The following PREX2 variants were observed in gnomAD, a reference collection of about 807,000 sequenced individuals.
The protein encoded by PREX2 is phosphatidylinositol 3,4,5-trisphosphate-dependent Rac exchanger 2 protein.
A neutral mutation model predicts 203.2 loss-of-function variants in PREX2; 107 were observed. The ratio of observed to expected loss-of-function variants is 0.53; its 90% CI spans 0.45 to 0.62. The LOEUF (loss-of-function observed/expected upper bound fraction) is 0.62. Ranked by LOEUF, PREX2 falls within the 20% of genes least tolerant of loss-of-function variation. The pLI is 0.00. For synonymous variants in PREX2, 672 were observed against 663.6 expected (o/e 1.01, Z -0.19); for missense variants, 1,777 against 1,955.9 (o/e 0.91, Z 1.72).
At position 68,211,571 on chromosome 8, in the gene PREX2, C is replaced by T. The variant is rs999397055; in HGVS notation, c.4605-6045C>T. 4.6e-5 allele frequency among the ~76,000 whole-genome samples: 7 copies of T among 152,202 alleles called. No individual in the cohort carries two copies. In the South Asian group the frequency reaches 1.4e-3, roughly 31 times the overall value. ...GCTGCACTTTATGAGGTCAGTACAC[C>T]TGCTTTCCTCAATTCACAGAGGAGA... On this transcript the variant is annotated intron_variant, in intron 37 of 39. Coordinates refer to ENST00000288368, the MANE Select transcript of PREX2 (RefSeq NM_024870.4).
At chr8:68,002,132 T>TTTG (rs1806956563) in intron 1 of PREX2, among the ~76,000 whole-genome samples, 1 of 142,730 alleles carries the variant, frequency 7.0e-6, no homozygotes, top group African/African-American at 2.6e-5. Context: ...ATTTTGCCTT[T>TTTG]TTTTCTTTTT....
intron 1 of PREX2, among the ~76,000 whole-genome samples, chr8:68,010,844 T>A (rs371424397): frequency 2.4e-4 from 37 of 152,170 alleles, no homozygotes; most frequent in African/African-American, 8.4e-4. Flanking sequence ...TTTCCTAATC[T>A]TCGTTCTTTT....
rs2129612729 is a variant in PREX2, at chr8:68,105,551, C to T, written c.2716-2558C>T. On this transcript the variant is annotated intron_variant, in intron 23 of 39. Transcript: ENST00000288368. ...CTCCATTAACACTTCTTGACATCACCCTATTCATTTCCTTTTCAGCTTGTA... is the reference window on the plus strand; with the variant it reads ...CTCCATTAACACTTCTTGACATCACTCTATTCATTTCCTTTTCAGCTTGTA... 7 of 1,113,698 alleles carry T rather than the reference C, an allele frequency of 6.3e-6. No individual in the cohort carries two copies. The South Asian group carries it at 1.6e-4, about 26-fold the overall frequency. The allele number at this position is 1,113,698 out of a possible 1,614,324, so 69.0% of individuals were successfully genotyped here.
intron 38 of PREX2, among the ~76,000 whole-genome samples, 180 bp downstream of exon 38, chr8:68,217,898 G>A (rs544035452): frequency 1.2e-4 from 18 of 152,382 alleles, no homozygotes; most frequent in African/African-American, 4.1e-4. Context: ...CCAGTCTGAG[G>A]TTCTGCAAGA....
At position 68,045,303 on chromosome 8, in the gene PREX2, T is replaced by A. The variant is rs547904456; in HGVS notation, c.943+713T>A. Among the ~76,000 whole-genome samples the A allele has an allele frequency of 2.6e-5, 4 of 152,230 alleles. No homozygotes were observed. In the East Asian group the frequency reaches 7.7e-4, roughly 29 times the overall value. On this transcript the variant is annotated intron_variant, in intron 8 of 39. Transcript: ENST00000288368. ...TTCCCCAATGATTTTAGTTAGAATT[T>A]AAAAAATATGCTTCTACGAGAAAAG...
intron 1 of PREX2, among the ~76,000 whole-genome samples, chr8:68,015,855 CCTTAA>C: frequency 1.3e-5 from 2 of 152,210 alleles, no homozygotes; most frequent in South Asian, 4.2e-4. Flanking sequence ...CACCAATTAT[CCTTAA>C]CTTTAGATAA....
intron 34 of PREX2, among the ~76,000 whole-genome samples, chr8:68,157,115 A>G (rs1488130385): frequency 6.6e-6 from 1 of 152,172 alleles, no homozygotes; most frequent in African/African-American, 2.4e-5. Context: ...TTCTTTGCCC[A>G]TTGGACAGAA....
chr8:67,991,354 A>C (rs1806600954), intron 1 of PREX2, among the ~76,000 whole-genome samples: 1 of 152,186 alleles, frequency 6.6e-6, no homozygotes, highest in African/African-American at 2.4e-5. Flanking sequence ...AAATGAGTAC[A>C]TTAGTCCATA....
chr8:68,224,021 A>G (rs1352154078), intron 38 of PREX2, among the ~76,000 whole-genome samples: 2 of 151,764 alleles, frequency 1.3e-5, no homozygotes, highest in African/African-American at 4.8e-5. Context: ...TATTTTTATT[A>G]TTTTTCTTTT....
chr8:67,984,233 G>A (rs1806350447), intron 1 of PREX2, among the ~76,000 whole-genome samples: 1 of 152,108 alleles, frequency 6.6e-6, no homozygotes. Context: ...ACACTTTCAT[G>A]CAAGTATTCA....
At chr8:67,952,630 G>A in intron 1 of PREX2, 95 bp downstream of exon 1, 2 of 1,511,216 alleles carry the variant, frequency 1.3e-6, no homozygotes, top group Non-Finnish European at 1.8e-6. Context: ...TTGTCTGTGC[G>A]GGGACCCGGG....
At chr8:68,045,023 C>A (rs1229980349) in intron 8 of PREX2, among the ~76,000 whole-genome samples, 2 of 151,902 alleles carry the variant, frequency 1.3e-5, no homozygotes, top group Non-Finnish European at 2.9e-5. Context: ...TTCATATAGA[C>A]AGGTTGTCAA....
intron 32 of PREX2, 44 bp from the exon 33 acceptor site, chr8:68,138,371 C>T (rs998056693): frequency 9.4e-7 from 1 of 1,065,534 alleles, no homozygotes; most frequent in Non-Finnish European, 1.4e-6. Context: ...CGTTATATTG[C>T]TTTATATCAT....
rs146545274 is a variant in PREX2 at position 68,171,583 on chromosome 8, C to G, written c.4346+14147C>G. On this transcript the variant is annotated intron_variant, in intron 35 of 39. Coordinates refer to ENST00000288368, the MANE Select transcript of PREX2 (RefSeq NM_024870.4). ...GTCTTTAAGTACAGCTGAGGAACAGCATGAGAAAGTGAAGGGACAGTGGGA... is the reference window on the plus strand; with the variant it reads ...GTCTTTAAGTACAGCTGAGGAACAGGATGAGAAAGTGAAGGGACAGTGGGA... Among the ~76,000 whole-genome samples, 994 of 152,250 alleles carry G rather than the reference C, an allele frequency of 6.5e-3. 4 individuals are homozygous for G. The highest frequency in any genetic ancestry group is 0.023 in the African/African-American group (954 of 41,540).
At position 67,975,694 on chromosome 8, in the gene PREX2, C is replaced by CTTTTTTTTTTT. The variant is rs67614434; in HGVS notation, c.141+23176_141+23186dup. Among the ~76,000 whole-genome samples, 30 of 75,014 alleles carry CTTTTTTTTTTT rather than the reference C, an allele frequency of 4.0e-4. 5 individuals carry two copies. Among genetic ancestry groups the CTTTTTTTTTTT allele is most frequent in the African/African-American group, 1.3e-3 (22 of 16,858 alleles). 49.2% of individuals were successfully genotyped at this position (75,014 alleles called of 152,430 possible). The stretch of plus-strand genomic sequence containing the variant: ...TCAGGATAGTAACTGATTTCTCTTT[C>CTTTTTTTTTTT]TTTTTTTTTTTTTTTTTTTTTTTTT... On this transcript the variant is annotated intron_variant, in intron 1 of 39. Coordinates refer to ENST00000288368, the MANE Select transcript of PREX2 (RefSeq NM_024870.4).
chr8:68,195,551 G>A (rs2129614762), intron 37 of PREX2, among the ~76,000 whole-genome samples: 1 of 152,158 alleles, frequency 6.6e-6, no homozygotes, highest in South Asian at 2.1e-4. Context: ...ATTTATATTA[G>A]GATCCAAAAC....
chr8:68,157,547 G>T (rs937240210), intron 35 of PREX2, 111 bp downstream of exon 35: 23 of 499,168 alleles, frequency 4.6e-5, no homozygotes, highest in African/African-American at 4.4e-4. Flanking sequence ...CATTTCTTTT[G>T]ATATAAATTC....
rs143423651 is a variant in PREX2, at chr8:68,098,758, G to A, written c.2554-924G>A. 4.5e-3 allele frequency among the ~76,000 whole-genome samples: 678 copies of A among 152,006 alleles called. 5 individuals carry two copies. Among genetic ancestry groups the A allele is most frequent in the African/African-American group, 0.016 (652 of 41,480 alleles). ...AAAGTTAACTCTAAGTTCTAGACTA[G>A]TGATTAAATAAAAACTCATACTCCA... On this transcript the variant is annotated intron_variant, in intron 22 of 39. Coordinates refer to ENST00000288368, the MANE Select transcript of PREX2 (RefSeq NM_024870.4).
At chr8:68,038,838 C>A (rs763675498) in intron 7 of PREX2, among the ~76,000 whole-genome samples, 1 of 152,172 alleles carries the variant, frequency 6.6e-6, no homozygotes, top group Non-Finnish European at 1.5e-5. Flanking sequence ...TCAAAACTCA[C>A]ATGGATGATC....
Sources: gnomAD v4.1 joint callset for allele counts (sites outside exome capture counted in the v4.1 genomes callset) on GRCh38, gnomAD v4.1.1 for gene constraint, MANE v1.5 for transcripts, NCBI Gene and HGNC (gene_info 2026-07-23, HGNC 2026-07-21) for gene names.